Variants in DAB2IP observed in about 807,000 individuals in gnomAD.
DAB2IP encodes the protein disabled homolog 2-interacting protein.
A neutral mutation model predicts 107.2 loss-of-function variants in DAB2IP; 28 were observed. The observed-to-expected ratio is 0.26, with a 90% confidence interval of 0.19 to 0.36. The LOEUF is 0.36. Ranked by LOEUF, DAB2IP falls within the 10% of genes least tolerant of loss-of-function variation. The pLI is 1.00. For synonymous variants in DAB2IP, 755 were observed against 706.4 expected, an observed-to-expected ratio of 1.07 and a Z score of -1.09; for missense variants, 1,400 against 1,644.7, an observed-to-expected ratio of 0.85 and a Z score of 2.57.
intron 1 of DAB2IP, among the ~76,000 whole-genome samples, chr9:121,672,578 T>C (rs1833726979): frequency 6.6e-6 from 1 of 152,192 alleles, no homozygotes; most frequent in Admixed American, 6.5e-5. Context: ...GAAGACAGCC[T>C]GGTAAATGGA....
At chr9:121,734,499 G>A (rs942159611) in intron 3 of DAB2IP, among the ~76,000 whole-genome samples, 3 of 152,258 alleles carry the variant, frequency 2.0e-5, no homozygotes, top group Non-Finnish European at 4.4e-5. Context: ...GCTGGTGAGG[G>A]TGGGAGACCC....
intron 3 of DAB2IP, among the ~76,000 whole-genome samples, chr9:121,735,134 GGGACA>G (rs1831804845): frequency 6.6e-6 from 1 of 152,202 alleles, no homozygotes; most frequent in South Asian, 2.1e-4. Flanking sequence ...CAGAAGGAAG[GGGACA>G]GGACACTAAG....
At chr9:121,678,751 G>T in exon 2 of DAB2IP, 4 of 1,598,140 alleles carry the variant, frequency 2.5e-6, no homozygotes, top group Non-Finnish European at 3.4e-6. Context: ...CCAGCATGGA[G>T]CCCTCGGCCG....
At chr9:121,773,342 CCTG>C (rs1220196185) in exon 12 of DAB2IP, 3 of 1,573,284 alleles carry the variant, frequency 1.9e-6, no homozygotes, top group Non-Finnish European at 2.6e-6. Flanking sequence ...CGCCCCCCAA[CCTG>C]CTGAGCACCC....
chr9:121,726,372 T>C (rs970575287), intron 3 of DAB2IP, among the ~76,000 whole-genome samples: 4 of 152,234 alleles, frequency 2.6e-5, no homozygotes, highest in Non-Finnish European at 5.9e-5. Context: ...CATCTTTTCA[T>C]TGGTATCCCT....
intron 1 of DAB2IP, among the ~76,000 whole-genome samples, chr9:121,658,740 A>G (rs1008088385): frequency 1.3e-5 from 2 of 152,150 alleles, no homozygotes; most frequent in African/African-American, 4.8e-5. Flanking sequence ...GACCACCTGT[A>G]TGTTAGCAGA....
chr9:121,693,208 TC>T (rs754657357), intron 2 of DAB2IP, among the ~76,000 whole-genome samples: 1 of 152,154 alleles, frequency 6.6e-6, no homozygotes, highest in Non-Finnish European at 1.5e-5. Flanking sequence ...GCTGGGCAGG[TC>T]CCACTGCCCT....
intron 13 of DAB2IP, among the ~76,000 whole-genome samples, chr9:121,775,358 G>A (rs1029703058): frequency 4.6e-5 from 7 of 152,196 alleles, no homozygotes; most frequent in African/African-American, 1.7e-4. Flanking sequence ...TCCCCGGTCC[G>A]CTACATCCAC....
At chr9:121,734,989 G>T (rs572019207) in intron 3 of DAB2IP, among the ~76,000 whole-genome samples, 1 of 152,178 alleles carries the variant, frequency 6.6e-6, no homozygotes, top group African/African-American at 2.4e-5. Context: ...TTCCTTGTTG[G>T]TTTGGCTGCT....
At chr9:121,726,884 C>G (rs1831263734) in intron 3 of DAB2IP, among the ~76,000 whole-genome samples, 1 of 152,200 alleles carries the variant, frequency 6.6e-6, no homozygotes, top group Non-Finnish European at 1.5e-5. Flanking sequence ...CCCCACCCTA[C>G]TCCCTCATAC....
chr9:121,649,353 T>A (rs1486220804), upstream of DAB2IP, among the ~76,000 whole-genome samples: 5 of 142,636 alleles, frequency 3.5e-5, 2 homozygotes, highest in Non-Finnish European at 6.3e-5. Flanking sequence ...GGAGCCCAGC[T>A]GTGCTTACAG....
At chr9:121,611,280 A>G (rs1831086198) in intron 1 of DAB2IP, among the ~76,000 whole-genome samples, 1 of 152,114 alleles carries the variant, frequency 6.6e-6, no homozygotes. Context: ...GGCCTTGACC[A>G]TAGGTTTTGA....
chr9:121,630,555 A>G (rs1018980852), intron 1 of DAB2IP, among the ~76,000 whole-genome samples: 4 of 150,056 alleles, frequency 2.7e-5, no homozygotes, highest in Admixed American at 2.0e-4. Context: ...TTTGATAACC[A>G]GGCATGCGCC....
intron 2 of DAB2IP, among the ~76,000 whole-genome samples, chr9:121,688,498 C>T (rs974395323): frequency 6.6e-5 from 10 of 152,166 alleles, no homozygotes; most frequent in Non-Finnish European, 1.2e-4. Context: ...CCAGCTTCCA[C>T]GCCTTTGTGT....
chr9:121,705,889 A>G (rs1830035856), intron 3 of DAB2IP, among the ~76,000 whole-genome samples: 1 of 152,230 alleles, frequency 6.6e-6, no homozygotes, highest in Non-Finnish European at 1.5e-5. Context: ...ATATTACTTG[A>G]ACCAGTAAGT....
Position 121,599,575 on chromosome 9 carries a change from T to TAGCGCGCTCCTGCCTGGCCAGCCGC in DAB2IP, c.40+32348_40+32372dup, listed in dbSNP as rs2118949601. Among the ~76,000 whole-genome samples, 1 of 151,888 alleles carries TAGCGCGCTCCTGCCTGGCCAGCCGC rather than the reference T, an allele frequency of 6.6e-6. No homozygotes were observed. The highest frequency in any genetic ancestry group is 6.5e-5 in the Admixed American group (1 of 15,286). On this transcript the variant is annotated intron_variant, in intron 1 of 16. Coordinates refer to the DAB2IP transcript ENST00000259371. The surrounding 1 kb of genome is among the most constrained non-coding windows in gnomAD (Gnocchi z 6.9). ...GCCGGGGGAGGCGCGGAGCCGGCCG[T>TAGCGCGCTCCTGCCTGGCCAGCCGC]AGCGCGCTCCTGCCTGGCCAGCCGC...
At chr9:121,771,239 T>C (rs1834705908) in intron 11 of DAB2IP, among the ~76,000 whole-genome samples, 1 of 152,242 alleles carries the variant, frequency 6.6e-6, no homozygotes, top group South Asian at 2.1e-4. Context: ...GGGTCTGCTC[T>C]GCCTAAATAA....
At chr9:121,629,979 T>C (rs916381160) in intron 1 of DAB2IP, among the ~76,000 whole-genome samples, 4 of 152,214 alleles carry the variant, frequency 2.6e-5, no homozygotes, top group African/African-American at 9.6e-5. Flanking sequence ...AATCCCACTG[T>C]TATTTTCAAG....
chr9:121,724,302 G>C (rs1831102597), intron 3 of DAB2IP, among the ~76,000 whole-genome samples: 1 of 147,810 alleles, frequency 6.8e-6, no homozygotes, highest in South Asian at 2.1e-4. Flanking sequence ...CCCGTTCCCT[G>C]CCCCACGAGT....
Sources: allele counts gnomAD v4.1 joint callset (sites outside exome capture counted in the v4.1 genomes callset), GRCh38; gene constraint gnomAD v4.1.1; non-coding constraint Gnocchi (gnomAD v3.1); transcripts MANE v1.5; gene names NCBI Gene and HGNC (gene_info 2026-07-23, HGNC 2026-07-21).